RP2: variants seen among roughly 807,000 people sequenced by gnomAD.
The protein encoded by RP2 is protein XRP2.
In RP2, 3 loss-of-function variants were observed where a neutral mutation model predicts 20.3. That is an observed-to-expected ratio of 0.15 (90% confidence interval 0.07 to 0.38). The LOEUF is 0.38. Ranked by LOEUF, RP2 falls within the 10% of genes least tolerant of loss-of-function variation. The pLI is 1.00. For synonymous variants in RP2, 75 were observed against 94.8 expected, an observed-to-expected ratio of 0.79 and a Z score of 1.22; for missense variants, 233 against 268.5, an observed-to-expected ratio of 0.87 and a Z score of 0.92.
At chrX:46,862,192 T>C (rs1194578925) in intron 3 of RP2, among the ~76,000 whole-genome samples, 1 of 109,684 alleles carries the variant, frequency 9.1e-6, no homozygotes, top group African/African-American at 3.3e-5. Flanking sequence ...GCCAACATGG[T>C]GAAACCCTGT....
chrX:46,848,673 C>T lies in RP2; in HGVS notation c.103-4803C>T, dbSNP rs782225874. On this transcript the variant is annotated intron_variant, in intron 1 of 4. Coordinates refer to ENST00000218340, the MANE Select transcript of RP2 (RefSeq NM_006915.3). ...TGCTGGGATTACAGGCGTGAGCCAC[C>T]ACGCCTGGCCACTTTCCTTGATTTT... is the stretch of plus-strand genomic sequence containing the variant. Among the ~76,000 whole-genome samples, 11 of 109,359 alleles carry T rather than the reference C, an allele frequency of 1.0e-4. No individual in the cohort carries two copies. In the South Asian group the frequency reaches 2.8e-3, roughly 28 times the overall value. The allele number at this position is 109,359 out of a possible 115,157, so 95.0% of individuals were successfully genotyped here.
chrX:46,844,220 G>A (rs1924673024), intron 1 of RP2, among the ~76,000 whole-genome samples: 1 of 111,231 alleles, frequency 9.0e-6, no homozygotes, highest in African/African-American at 3.3e-5. Flanking sequence ...GGGTACATAT[G>A]CACAACGTGC....
intron 1 of RP2, among the ~76,000 whole-genome samples, chrX:46,838,339 T>C (rs781790277): frequency 8.9e-6 from 1 of 111,885 alleles, no homozygotes; most frequent in Admixed American, 9.5e-5. Flanking sequence ...CCTTCTTGGG[T>C]CACATGGTAC....
chrX:46,847,743 T>TATGTGTGTGTATATACACAC (rs1924753656), intron 1 of RP2, among the ~76,000 whole-genome samples: 4 of 87,120 alleles, frequency 4.6e-5, no homozygotes, highest in African/African-American at 2.0e-4. Context: ...TATACACACA[T>TATGTGTGTGTATATACACAC]ATGTGTGTGT....
At chrX:46,839,506 C>T (rs1314500054) in intron 1 of RP2, among the ~76,000 whole-genome samples, 1 of 110,319 alleles carries the variant, frequency 9.1e-6, no homozygotes, top group East Asian at 2.8e-4. Context: ...GAGTCATGAT[C>T]GGGCCACTGC....
chrX:46,862,586 G>A (rs1368496058), intron 3 of RP2, among the ~76,000 whole-genome samples: 2 of 110,374 alleles, frequency 1.8e-5, no homozygotes, highest in African/African-American at 3.3e-5. Context: ...CGTGAACCCG[G>A]GAGGTGGAGC....
intron 1 of RP2, among the ~76,000 whole-genome samples, chrX:46,846,974 C>T (rs782300912): frequency 7.2e-4 from 80 of 111,763 alleles, no homozygotes; most frequent in Non-Finnish European, 1.3e-3. Context: ...AGCGATCGTC[C>T]CACCTTGGCC....
rs1204817780 is a variant in RP2, at chrX:46,840,587, C to T, written c.102+3385C>T. On this transcript the variant is annotated intron_variant, in intron 1 of 4. Transcript: ENST00000218340. ...TGTTTTTATCCTTATCTGTATGCTG[C>T]CACCCATAGGTAGGCAAATTATTCA... Among the ~76,000 whole-genome samples the T allele has an allele frequency of 6.2e-5, 7 of 112,332 alleles. No individual in the cohort carries two copies. In the Admixed American group the frequency reaches 6.6e-4, roughly 11 times the overall value.
intron 2 of RP2, among the ~76,000 whole-genome samples, chrX:46,855,093 G>A (rs1437229989): frequency 9.0e-6 from 1 of 111,237 alleles, no homozygotes; most frequent in Non-Finnish European, 1.9e-5. Flanking sequence ...TACAACTTTT[G>A]GACCCTGTTG....
intron 3 of RP2, among the ~76,000 whole-genome samples, chrX:46,864,441 G>A (rs1269095200): frequency 9.4e-6 from 1 of 106,322 alleles, no homozygotes; most frequent in Non-Finnish European, 1.9e-5. Context: ...CTGTCTTCGG[G>A]GCTCAAGCAA....
chrX:46,862,776 A>G (rs925091971), intron 3 of RP2, among the ~76,000 whole-genome samples: 3 of 112,534 alleles, frequency 2.7e-5, no homozygotes, highest in Non-Finnish European at 5.6e-5. Flanking sequence ...TAACCCAGTG[A>G]TCAAACAGCA....
intron 1 of RP2, among the ~76,000 whole-genome samples, chrX:46,851,365 G>A (rs782075248): frequency 2.3e-4 from 26 of 111,736 alleles, no homozygotes; most frequent in East Asian, 8.4e-4. Context: ...GGCCGGGCTC[G>A]GTGGCTCACA....
At chrX:46,861,654 G>A (rs1034908462) in intron 3 of RP2, among the ~76,000 whole-genome samples, 3 of 111,174 alleles carry the variant, frequency 2.7e-5, no homozygotes, top group African/African-American at 3.3e-5. Context: ...AAACCCATCT[G>A]GGCAACGTTG....
chrX:46,856,845 A>G (rs1415884578), intron 2 of RP2, among the ~76,000 whole-genome samples: 1 of 112,470 alleles, frequency 8.9e-6, no homozygotes, highest in African/African-American at 3.2e-5. Context: ...AAAATAAAAA[A>G]TAAAATACCA....
chrX:46,863,870 T>C (rs1240152786), intron 3 of RP2, among the ~76,000 whole-genome samples: 1 of 112,010 alleles, frequency 8.9e-6, no homozygotes, highest in East Asian at 2.8e-4. Flanking sequence ...TCAGAGTCTC[T>C]CAATTTTCCT....
Position 46,837,090 on chromosome X carries a change from G to GGGCT in RP2, c.-8_-5dup. ...TAGTGAGCTGGCCAACGAGCTCCGC[G>GGGCT]GGCTGGGACCATGGGCTGCTTCTTC... is the stretch of plus-strand genomic sequence containing the variant. On this transcript the variant is annotated 5_prime_UTR_variant, in exon 1 of 5. Coordinates refer to ENST00000218340, the MANE Select transcript of RP2 (RefSeq NM_006915.3). 8.6e-7 allele frequency: 1 copy of GGGCT among 1,167,452 alleles called. No individual in the cohort carries two copies. The highest frequency in any genetic ancestry group is 1.1e-6 in the Non-Finnish European group (1 of 872,447).
At chrX:46,850,799 AGTT>A (rs1556317972) in intron 1 of RP2, among the ~76,000 whole-genome samples, 1 of 111,644 alleles carries the variant, frequency 9.0e-6, no homozygotes, top group Non-Finnish European at 1.9e-5. Context: ...TACATGGTCA[AGTT>A]GTTTTTAGTT....
chrX:46,852,780 G>A (rs1292052276), intron 1 of RP2, among the ~76,000 whole-genome samples: 1 of 110,329 alleles, frequency 9.1e-6, no homozygotes, highest in Non-Finnish European at 1.9e-5. Context: ...ACGGGGTTTC[G>A]CCATGTTGGC....
chrX:46,868,175 C>G (rs1264899855), intron 3 of RP2, among the ~76,000 whole-genome samples: 2 of 111,955 alleles, frequency 1.8e-5, no homozygotes, highest in African/African-American at 6.5e-5. Flanking sequence ...CATGATATCT[C>G]ATTGTGTTTT....
Sources: allele counts gnomAD v4.1 joint callset (sites outside exome capture counted in the v4.1 genomes callset), GRCh38; gene constraint gnomAD v4.1.1; transcripts MANE v1.5; gene names NCBI Gene and HGNC (gene_info 2026-07-23, HGNC 2026-07-21).